TLN2: variants seen among roughly 807,000 people sequenced by gnomAD.
TLN2 encodes talin 2.
In TLN2, 118 loss-of-function variants were observed where a neutral mutation model predicts 294.7. That is an observed-to-expected ratio of 0.40 (90% CI 0.34 to 0.47). The LOEUF is 0.47. Among genes scored for constraint, TLN2 ranks in the 20% least tolerant of loss-of-function variants. TLN2 has a pLI of 0.84. For missense variants in TLN2, 3,083 were observed against 3,282.2 expected (o/e 0.94, Z 1.48); for synonymous variants, 1,431 against 1,304.5 (o/e 1.10, Z -2.09).
chr15:62,652,741 T>C (rs561740397), intron 6 of TLN2, among the ~76,000 whole-genome samples: 1 of 152,310 alleles, frequency 6.6e-6, no homozygotes, highest in South Asian at 2.1e-4. Context: ...ACATAAGTTC[T>C]ACTATACGCG....
chr15:62,732,912 C>T (rs1006778408), intron 28 of TLN2, among the ~76,000 whole-genome samples: 4 of 152,228 alleles, frequency 2.6e-5, no homozygotes, highest in Admixed American at 2.6e-4. Context: ...AGATATATTC[C>T]ATTTGAAGTG....
At chr15:62,814,466 T>C (rs1239725422) in intron 52 of TLN2, among the ~76,000 whole-genome samples, 3 of 150,866 alleles carry the variant, frequency 2.0e-5, no homozygotes, top group Non-Finnish European at 4.4e-5. Flanking sequence ...TGTTAAAGAG[T>C]GAAACAATCA....
At chr15:62,773,085 T>TG (rs2063456508) in intron 42 of TLN2, among the ~76,000 whole-genome samples, 6 of 150,172 alleles carry the variant, frequency 4.0e-5, no homozygotes, top group South Asian at 2.1e-4. Flanking sequence ...TAAAGCAGAG[T>TG]CTGTTACCAG....
intron 19 of TLN2, among the ~76,000 whole-genome samples, chr15:62,704,740 A>G (rs1307754354): frequency 6.6e-6 from 1 of 152,248 alleles, no homozygotes; most frequent in African/African-American, 2.4e-5. Context: ...TGAACTGCAC[A>G]TCAATATATT....
intron 31 of TLN2, 42 bp downstream of exon 31, chr15:62,739,587 C>T: frequency 1.2e-6 from 2 of 1,604,376 alleles, no homozygotes; most frequent in East Asian, 2.2e-5. Context: ...CTTAGCCTCT[C>T]CTCTCGGATG....
At chr15:62,686,546 T>C in intron 11 of TLN2, 95 bp from the exon 12 acceptor site, 2 of 1,422,538 alleles carry the variant, frequency 1.4e-6, no homozygotes, top group South Asian at 1.4e-5. Context: ...TGAAAGACAG[T>C]GTATGCAGGT....
chr15:62,575,373 C>G (rs1296180156), intron 1 of TLN2, among the ~76,000 whole-genome samples: 2 of 151,924 alleles, frequency 1.3e-5, no homozygotes, highest in Non-Finnish European at 2.9e-5. Context: ...TTTGCAAATT[C>G]AATAAAAATG....
At chr15:62,684,373 A>C (rs1596702679) in intron 11 of TLN2, among the ~76,000 whole-genome samples, 1 of 152,114 alleles carries the variant, frequency 6.6e-6, no homozygotes, top group Non-Finnish European at 1.5e-5. Flanking sequence ...ATCAAGCTAA[A>C]ACTCTGTGTG....
At chr15:62,685,883 A>C (rs907544809) in intron 11 of TLN2, among the ~76,000 whole-genome samples, 2 of 152,114 alleles carry the variant, frequency 1.3e-5, no homozygotes, top group African/African-American at 4.8e-5. Flanking sequence ...GTATATTTTG[A>C]GTTAAGCATA....
intron 1 of TLN2, among the ~76,000 whole-genome samples, chr15:62,539,852 A>G (rs1240832831): frequency 6.6e-6 from 1 of 151,980 alleles, no homozygotes; most frequent in African/African-American, 2.4e-5. Flanking sequence ...CATGTGCCAG[A>G]AGACCATTAA....
chr15:62,474,296 T>C (rs1326297320), intron 1 of TLN2, among the ~76,000 whole-genome samples: 1 of 152,098 alleles, frequency 6.6e-6, no homozygotes, highest in Non-Finnish European at 1.5e-5. Flanking sequence ...CATCTATCAT[T>C]CTCAGAGGAA....
chr15:62,545,937 C>T lies in TLN2; in HGVS notation c.-237-43750C>T, dbSNP rs559974340. On this transcript the variant is annotated intron_variant, in intron 1 of 58. Coordinates refer to ENST00000636159, the MANE Select transcript of TLN2 (RefSeq NM_015059.3). ...AGAAGAGGACTTGGCAATGTCTCAG[C>T]ATTCCAGGTCTTTGGACTGTATTTC... is the stretch of plus-strand genomic sequence containing the variant. Among the ~76,000 whole-genome samples the T allele has an allele frequency of 3.9e-5, 6 of 152,308 alleles. No homozygotes were observed. The South Asian group carries it at 1.2e-3, about 32-fold the overall frequency.
At chr15:62,692,736 G>A in intron 12 of TLN2, 104 bp from the exon 13 acceptor site, 2 of 796,840 alleles carry the variant, frequency 2.5e-6, no homozygotes, top group South Asian at 1.6e-5. Flanking sequence ...GGAGGAGCAG[G>A]GAAAATGAAG....
chr15:62,629,023 C>G (rs549206878), intron 3 of TLN2, among the ~76,000 whole-genome samples: 2 of 152,018 alleles, frequency 1.3e-5, no homozygotes, highest in East Asian at 3.9e-4. Context: ...GTAGTGAGAT[C>G]CTGTCTCTAA....
At chr15:62,806,346 C>G (rs1366245871) in intron 51 of TLN2, among the ~76,000 whole-genome samples, 2 of 152,184 alleles carry the variant, frequency 1.3e-5, no homozygotes, top group African/African-American at 2.4e-5. Flanking sequence ...AGGCAGGAAG[C>G]CTTCTTGCAG....
At chr15:62,651,888 A>G (rs1383343478) in intron 5 of TLN2, 117 bp from the exon 6 acceptor site, 2 of 1,207,198 alleles carry the variant, frequency 1.7e-6, no homozygotes, top group South Asian at 2.3e-5. Flanking sequence ...TTTAGAAGAA[A>G]GGGAAAATCA....
intron 1 of TLN2, among the ~76,000 whole-genome samples, chr15:62,566,245 A>C (rs914079041): frequency 3.9e-5 from 6 of 152,150 alleles, no homozygotes; most frequent in Non-Finnish European, 8.8e-5. Context: ...AGAAGGCTAC[A>C]GATGAGCGGG....
At chr15:62,840,228 A>G (rs561524742) in intron 58 of TLN2, among the ~76,000 whole-genome samples, 1 of 152,306 alleles carries the variant, frequency 6.6e-6, no homozygotes, top group African/African-American at 2.4e-5. Context: ...AGAGCCTGGT[A>G]CATAGTAAGG....
At position 62,505,018 on chromosome 15, in the gene TLN2, G is replaced by A. The variant is rs186824763; in HGVS notation, c.-237-84669G>A. ...GTTCCCCAGGCTGGAGTGTAGTGGC[G>A]CGATCTCAGCTCACTGCAACCTCCG... On this transcript the variant is annotated intron_variant, in intron 1 of 58. Coordinates refer to ENST00000636159, the MANE Select transcript of TLN2 (RefSeq NM_015059.3). 4.0e-3 allele frequency among the ~76,000 whole-genome samples: 603 copies of A among 152,236 alleles called. 5 individuals carry two copies. The highest frequency in any genetic ancestry group is 0.014 in the African/African-American group (577 of 41,538).
Sources: gnomAD v4.1 joint callset for allele counts (sites outside exome capture counted in the v4.1 genomes callset) on GRCh38, gnomAD v4.1.1 for gene constraint, MANE v1.5 for transcripts, NCBI Gene and HGNC (gene_info 2026-07-23, HGNC 2026-07-21) for gene names.